Variants in CAT observed in about 807,000 individuals in gnomAD.
CAT encodes the protein catalase.
CAT carries 43 observed loss-of-function variants against 59.0 expected under a neutral mutation model. The ratio of observed to expected loss-of-function variants is 0.73; its 90% confidence interval spans 0.57 to 0.94. CAT has a LOEUF of 0.94. CAT is among the 40% of genes least tolerant of loss of function. CAT has a pLI of 0.00. For synonymous variants in CAT, 218 were observed against 230.9 expected, an observed-to-expected ratio of 0.94 and a Z score of 0.51; for missense variants, 664 against 682.9, an observed-to-expected ratio of 0.97 and a Z score of 0.31.
chr11:34,451,947 A>G (rs1330494644), intron 3 of CAT, 130 bp from the exon 4 acceptor site: 10 of 883,914 alleles, frequency 1.1e-5, no homozygotes, highest in South Asian at 1.4e-5. Context: ...TAACCCGGGC[A>G]CTTAAATACC....
Position 34,471,617 on chromosome 11 carries a change from G to A in CAT, c.*184G>A. On this transcript the variant is annotated 3_prime_UTR_variant, in exon 13 of 13. Coordinates refer to ENST00000241052, the MANE Select transcript of CAT (RefSeq NM_001752.4). Reference sequence around the variant, plus strand: ...TGCTATTTCCCCAGGGGAAAATGAAGGTTAGGATTTAACAGTCATTTAAAA... The same window carrying A: ...TGCTATTTCCCCAGGGGAAAATGAAAGTTAGGATTTAACAGTCATTTAAAA... The A allele has an allele frequency of 1.6e-6, 1 of 627,794 alleles. No homozygotes were observed. The highest frequency in any genetic ancestry group is 2.9e-6 in the Non-Finnish European group (1 of 348,564). The allele number at this position is 627,794 out of a possible 1,614,324, so 38.9% of individuals were successfully genotyped here.
intron 6 of CAT, among the ~76,000 whole-genome samples, chr11:34,455,299 G>T (rs377738056): frequency 1.2e-4 from 19 of 152,198 alleles, no homozygotes; most frequent in African/African-American, 4.6e-4. Flanking sequence ...ATCTTTCTGC[G>T]GCACTTGGCT....
intron 1 of CAT, among the ~76,000 whole-genome samples, chr11:34,444,985 A>AT: frequency 6.6e-6 from 1 of 152,056 alleles, no homozygotes; most frequent in East Asian, 1.9e-4. Context: ...TATTTCTCTC[A>AT]TTTTTTGGAG....
chr11:34,441,086 T>C (rs1025363717), intron 1 of CAT, among the ~76,000 whole-genome samples: 1 of 152,232 alleles, frequency 6.6e-6, no homozygotes, highest in Non-Finnish European at 1.5e-5. Context: ...GCAGTCACAT[T>C]GATGTCTTAC....
intron 4 of CAT, 42 bp downstream of exon 4, chr11:34,452,249 CTTAAATTGAT>C: frequency 1.3e-6 from 2 of 1,586,804 alleles, no homozygotes; most frequent in Non-Finnish European, 1.7e-6. Context: ...TGTTTGTTGA[CTTAAATTGAT>C]TTCAAATAGG....
At chr11:34,459,992 C>G (rs1049758170) in intron 8 of CAT, among the ~76,000 whole-genome samples, 3 of 152,208 alleles carry the variant, frequency 2.0e-5, no homozygotes, top group African/African-American at 7.2e-5. Flanking sequence ...TGACAGAACA[C>G]TGGGACTGGA....
At chr11:34,454,436 T>C (rs1006724810) in intron 6 of CAT, among the ~76,000 whole-genome samples, 2 of 152,158 alleles carry the variant, frequency 1.3e-5, no homozygotes, top group Non-Finnish European at 2.9e-5. Context: ...AACCCTGGCA[T>C]GTTAGTGATA....
Position 34,468,278 on chromosome 11 carries a change from C to T in CAT, c.1327-10C>T, listed in dbSNP as rs758478235. 1.9e-5 allele frequency: 30 copies of T among 1,599,860 alleles called. No homozygotes were observed. Among genetic ancestry groups the T allele is most frequent in the Non-Finnish European group, 2.3e-5 (27 of 1,167,216 alleles). ...TTCAATTCTCTGCACTTGCTCTTTT[C>T]TCTGAGCAGGTGCGGGCATTCTATG... On this transcript the variant is annotated splice_polypyrimidine_tract_variant and intron_variant, in intron 10 of 12. Coordinates refer to ENST00000241052, the MANE Select transcript of CAT (RefSeq NM_001752.4).
At chr11:34,439,293 T>C (rs758961898) in intron 1 of CAT, among the ~76,000 whole-genome samples, 2 of 152,176 alleles carry the variant, frequency 1.3e-5, no homozygotes, top group South Asian at 4.1e-4. Flanking sequence ...GCAGGCTTTG[T>C]TGTCCGCGAC....
chr11:34,453,628 TTC>T (rs1432029953), intron 5 of CAT, among the ~76,000 whole-genome samples, 171 bp from the exon 6 acceptor site: 3 of 152,338 alleles, frequency 2.0e-5, no homozygotes, highest in Admixed American at 1.3e-4. Context: ...TTTAAAATTT[TTC>T]TGTTTGTTAT....
At chr11:34,445,365 C>T (rs1191332298) in intron 1 of CAT, among the ~76,000 whole-genome samples, 2 of 150,884 alleles carry the variant, frequency 1.3e-5, no homozygotes, top group African/African-American at 4.9e-5. Context: ...TGGTGGTGGT[C>T]GCCTGTAATC....
intron 1 of CAT, among the ~76,000 whole-genome samples, chr11:34,445,140 C>T (rs969059937): frequency 6.6e-6 from 1 of 151,980 alleles, no homozygotes; most frequent in Non-Finnish European, 1.5e-5. Context: ...GTATATTGAG[C>T]AGTGTATTAG....
intron 1 of CAT, among the ~76,000 whole-genome samples, chr11:34,441,786 C>A (rs986148120): frequency 4.0e-5 from 6 of 151,166 alleles, no homozygotes; most frequent in South Asian, 4.2e-4. Context: ...AGAGGGAGAC[C>A]CTGTCTTAAA....
chr11:34,462,297 C>G (rs1307637949), intron 9 of CAT, among the ~76,000 whole-genome samples: 1 of 151,482 alleles, frequency 6.6e-6, no homozygotes, highest in Non-Finnish European at 1.5e-5. Context: ...GTTTATTTTT[C>G]TATGATAAAA....
In CAT at chr11:34,465,286, C is replaced by T. The variant is rs540249128; in HGVS notation, c.1326+1051C>T. ...AAAAATACTTATACATGAATTAATT[C>T]GCTGTGAGGATATCTTTGCTTGAAA... On this transcript the variant is annotated intron_variant, in intron 10 of 12. Transcript: ENST00000241052. Among the ~76,000 whole-genome samples, 38 of 152,204 alleles carry T rather than the reference C, an allele frequency of 2.5e-4. 1 individual carries two copies. In the South Asian group the frequency reaches 6.8e-3, roughly 27 times the overall value.
Position 34,471,591 on chromosome 11 carries a change from A to G in CAT, c.*158A>G. On this transcript the variant is annotated 3_prime_UTR_variant, in exon 13 of 13. Transcript: ENST00000241052. Reference sequence around the variant, plus strand: ...TATAGCAGATTGTGTAACAATTTTAATGCTATTTCCCCAGGGGAAAATGAA... The same window carrying G: ...TATAGCAGATTGTGTAACAATTTTAGTGCTATTTCCCCAGGGGAAAATGAA... 1 of 689,106 alleles carries G rather than the reference A, an allele frequency of 1.5e-6. No individual in the cohort carries two copies. The highest frequency in any genetic ancestry group is 2.6e-6 in the Non-Finnish European group (1 of 377,438). The allele number at this position is 689,106 out of a possible 1,614,324, so 42.7% of individuals were successfully genotyped here. A position where few individuals can be genotyped will look rare whatever the true frequency, so the allele number is the denominator to read the frequency against.
In CAT at chr11:34,471,414, G is replaced by A. The variant is rs1856771198; in HGVS notation, c.1565G>A (p.Arg522Lys). ...CAGTCCGGATCTCACTTGGCGGCAA[G>A]GGAGAAGGCAAATCTGTGAGGCCGG... The part of the protein sequence containing the change: ...FVQSGSHLAA[R>K]EKANL Residue 522 changes from arginine to lysine, a missense_variant, in exon 13 of 13, where the codon AGG (arginine) becomes AAG (lysine). Coordinates refer to ENST00000241052, the MANE Select transcript of CAT (RefSeq NM_001752.4). The A allele has an allele frequency of 6.2e-7, 1 of 1,613,930 alleles. No homozygotes were observed. The highest frequency in any genetic ancestry group is 1.3e-5 in the African/African-American group (1 of 75,052).
intron 8 of CAT, chr11:34,460,776 T>C: frequency 4.1e-6 from 1 of 245,082 alleles, no homozygotes; most frequent in Non-Finnish European, 8.0e-6. Flanking sequence ...ATTTGAAGAA[T>C]TTCCCATGCT....
intron 2 of CAT, among the ~76,000 whole-genome samples, chr11:34,449,595 A>G (rs751666894): frequency 2.6e-4 from 40 of 152,244 alleles, no homozygotes; most frequent in South Asian, 2.1e-4. Flanking sequence ...CATTTCTCCC[A>G]TCATTGAAGG....
Sources: gnomAD v4.1 joint callset for allele counts (sites outside exome capture counted in the v4.1 genomes callset) on GRCh38, gnomAD v4.1.1 for gene constraint, MANE v1.5 for transcripts, NCBI Gene and HGNC (gene_info 2026-07-23, HGNC 2026-07-21) for gene names.